The following SLC41A3 variants were observed in gnomAD, a reference collection of about 807,000 sequenced individuals.
SLC41A3 encodes the protein SLC41A1-like 2.
In SLC41A3, 44 loss-of-function variants were observed where a neutral mutation model predicts 45.4. That is an observed-to-expected ratio of 0.97 (90% confidence interval 0.76 to 1.25). The LOEUF (loss-of-function observed/expected upper bound fraction) is 1.25. SLC41A3 is among the 50% of genes most tolerant of loss of function. SLC41A3 has a pLI of 0.00. For synonymous variants in SLC41A3, 256 were observed against 252.4 expected (o/e 1.01, Z -0.13); for missense variants, 550 against 600.6 (o/e 0.92, Z 0.88).
At chr3:126,079,607 A>G (rs1945053038) in intron 1 of SLC41A3, among the ~76,000 whole-genome samples, 1 of 152,222 alleles carries the variant, frequency 6.6e-6, no homozygotes, top group Non-Finnish European at 1.5e-5. Flanking sequence ...CGATGGAAAG[A>G]TACATTATGT....
Position 126,054,278 on chromosome 3 carries a change from AT to A in SLC41A3, c.274-3229del, listed in dbSNP as rs1239979257. Among the ~76,000 whole-genome samples the A allele has an allele frequency of 2.0e-5, 3 of 152,278 alleles. No homozygotes were observed. The South Asian group carries it at 6.2e-4, about 32-fold the overall frequency. On this transcript the variant is annotated intron_variant, in intron 2 of 10. Coordinates refer to ENST00000360370, the MANE Select transcript of SLC41A3 (RefSeq NM_017836.4). ...CACTGGAGTCAGAGGTGGGGCTGAG[AT>A]GACTAAGCACAGAGGACTCTGCTGG...
chr3:126,055,299 G>A (rs181810329), intron 2 of SLC41A3, among the ~76,000 whole-genome samples: 3,188 of 152,220 alleles, frequency 0.021, 47 homozygotes, highest in Non-Finnish European at 0.034. Flanking sequence ...TGGATCACGA[G>A]GTCAGGAGTT....
chr3:126,054,062 C>T (rs1027857338), intron 2 of SLC41A3, among the ~76,000 whole-genome samples: 14 of 152,158 alleles, frequency 9.2e-5, no homozygotes, highest in African/African-American at 2.9e-4. Flanking sequence ...CCTGCTCCTC[C>T]GGCCTCACCC....
chr3:126,030,768 T>C (rs1307394591), intron 4 of SLC41A3, among the ~76,000 whole-genome samples: 6 of 152,208 alleles, frequency 3.9e-5, no homozygotes. Flanking sequence ...AGATATACTT[T>C]GTTTATTCAT....
intron 6 of SLC41A3, among the ~76,000 whole-genome samples, chr3:126,022,028 A>G (rs1257260097): frequency 1.3e-5 from 2 of 152,212 alleles, no homozygotes; most frequent in African/African-American, 4.8e-5. Flanking sequence ...GGGGGGCGTG[A>G]CTGAAGCAAA....
chr3:126,051,021 G>C lies in SLC41A3; in HGVS notation c.303C>G (p.Asp101Glu), dbSNP rs747029782. 1 of 1,611,676 alleles carries C rather than the reference G, an allele frequency of 6.2e-7. No individual in the cohort carries two copies. The highest frequency in any genetic ancestry group is 1.1e-5 in the South Asian group (1 of 90,238). The change falls in exon 3 of 11, where the codon GAC (aspartate) becomes GAG (glutamate). Residue 101 changes from aspartate (D) to glutamate (E), a missense_variant. By Grantham distance (45) the Asp-to-Glu change is conservative. Transcript: ENST00000360370. The stretch of plus-strand genomic sequence containing the variant: ...CCAGGGGCGGCACCAATGTCAAAAG[G>C]TCTTTCACCTCCACAAACACAGGCC... ...QHWPVFVEVK[D>E]LLTLVPPLVG...
intron 2 of SLC41A3, among the ~76,000 whole-genome samples, chr3:126,052,392 G>A (rs897661432): frequency 1.3e-5 from 2 of 152,048 alleles, no homozygotes; most frequent in Admixed American, 6.5e-5. Flanking sequence ...GGAGCCCAGC[G>A]TGCTCATGGG....
chr3:126,057,749 C>T (rs1943766678), intron 2 of SLC41A3, among the ~76,000 whole-genome samples: 1 of 152,202 alleles, frequency 6.6e-6, no homozygotes, highest in Admixed American at 6.5e-5. Context: ...TCCCCTCGTG[C>T]CCCCAATATT....
intron 4 of SLC41A3, among the ~76,000 whole-genome samples, chr3:126,028,271 G>A (rs1210109072): frequency 6.6e-6 from 1 of 152,232 alleles, no homozygotes; most frequent in Non-Finnish European, 1.5e-5. Flanking sequence ...ATGGTTTCAT[G>A]GGCCAGGTCC....
intron 1 of SLC41A3, among the ~76,000 whole-genome samples, chr3:126,100,484 C>T (rs1022592122): frequency 6.6e-6 from 1 of 152,202 alleles, no homozygotes; most frequent in Non-Finnish European, 1.5e-5. Context: ...TGCACACACT[C>T]CCTGCCCTGG....
At chr3:126,035,025 G>A (rs1462900995) in intron 3 of SLC41A3, among the ~76,000 whole-genome samples, 1 of 152,238 alleles carries the variant, frequency 6.6e-6, no homozygotes, top group Non-Finnish European at 1.5e-5. Flanking sequence ...AAAGCAGGAA[G>A]TGAGACCAAG....
chr3:126,081,701 G>T (rs1327309923), intron 1 of SLC41A3, among the ~76,000 whole-genome samples: 1 of 152,208 alleles, frequency 6.6e-6, no homozygotes, highest in African/African-American at 2.4e-5. Context: ...TAGGGCAAGG[G>T]GTGGGGAGAA....
intron 2 of SLC41A3, chr3:126,056,254 C>T (rs1943651186): frequency 7.0e-7 from 1 of 1,433,796 alleles, no homozygotes; most frequent in Non-Finnish European, 9.5e-7. Context: ...GGCTGCCCTC[C>T]CACTGTAGAG....
intron 3 of SLC41A3, among the ~76,000 whole-genome samples, chr3:126,048,133 C>T (rs1204436082): frequency 6.6e-6 from 1 of 152,112 alleles, no homozygotes; most frequent in East Asian, 1.9e-4. Flanking sequence ...AAGATGCTCA[C>T]CATCACTAGT....
intron 2 of SLC41A3, among the ~76,000 whole-genome samples, chr3:126,064,048 A>G (rs1196601541): frequency 2.0e-5 from 3 of 149,774 alleles, no homozygotes. Context: ...CCTCCTGGCC[A>G]AGGGTCTGTG....
intron 1 of SLC41A3, chr3:126,073,028 A>G (rs887982025): frequency 2.0e-5 from 3 of 152,192 alleles, no homozygotes; most frequent in African/African-American, 7.2e-5. Flanking sequence ...GAAACCCAAT[A>G]CCATGTTTCA....
At chr3:126,057,745 C>T (rs905507676) in intron 2 of SLC41A3, among the ~76,000 whole-genome samples, 1 of 152,236 alleles carries the variant, frequency 6.6e-6, no homozygotes, top group African/African-American at 2.4e-5. Context: ...CTGTTCCCCT[C>T]GTGCCCCCAA....
intron 3 of SLC41A3, among the ~76,000 whole-genome samples, chr3:126,049,692 A>G (rs535690015): frequency 6.6e-6 from 1 of 152,332 alleles, no homozygotes; most frequent in Admixed American, 6.5e-5. Context: ...ACAAGGCTCC[A>G]CATGATCTGG....
chr3:126,026,298 G>A lies in SLC41A3; in HGVS notation c.598+37C>T. ...CTGAGGTGGGACCTCAGAGGAGCAGGGAGCGGGTGGGGGCTCACAGCTGGG... is the reference window on the plus strand; with the variant it reads ...CTGAGGTGGGACCTCAGAGGAGCAGAGAGCGGGTGGGGGCTCACAGCTGGG... On this transcript the variant is annotated intron_variant, in intron 5 of 10. Transcript: ENST00000360370. This position sits in a 1 kb window ranked among gnomAD's most constrained non-coding sequence, Gnocchi z 4.2. 1 of 1,551,584 alleles carries A rather than the reference G, an allele frequency of 6.4e-7. No individual in the cohort carries two copies. Among genetic ancestry groups the A allele is most frequent in the Non-Finnish European group, 8.7e-7 (1 of 1,146,746 alleles).
Sources: allele counts gnomAD v4.1 joint callset (sites outside exome capture counted in the v4.1 genomes callset), GRCh38; gene constraint gnomAD v4.1.1; non-coding constraint Gnocchi (gnomAD v3.1); transcripts MANE v1.5; gene names NCBI Gene and HGNC (gene_info 2026-07-23, HGNC 2026-07-21).